Variants in FCHO1 observed in about 807,000 individuals in gnomAD.
FCHO1 encodes the protein FCH and mu domain containing endocytic adaptor 1.
Under a neutral mutation model 114.4 loss-of-function variants are expected in FCHO1, and 45 were observed. That is an observed-to-expected ratio of 0.39 (90% CI 0.31 to 0.50). The LOEUF (loss-of-function observed/expected upper bound fraction) is 0.50, where lower values mean the gene tolerates loss of function less well. Among genes scored for constraint, FCHO1 ranks in the 20% least tolerant of loss-of-function variants. The pLI is 0.77. For synonymous variants in FCHO1, 480 were observed against 488.9 expected (o/e 0.98, Z 0.24); for missense variants, 1,042 against 1,209.6 (o/e 0.86, Z 2.06).
chr19:17,776,670 G>T lies in FCHO1; in HGVS notation c.1243G>T (p.Ala415Ser). The part of the protein sequence containing the change: ...AAGKPQRPRS[A>S]PRTSSCAERL... ...TGGGAAACCCCAGAGACCTCGGTCTGCCCCCAGAACCAGCAGGTGGGTTCC... is the reference window on the plus strand; with the variant it reads ...TGGGAAACCCCAGAGACCTCGGTCTTCCCCCAGAACCAGCAGGTGGGTTCC... The change falls in exon 18 of 29, where the codon GCC (alanine) becomes TCC (serine). Residue 415 changes from alanine to serine, a missense_variant. Physicochemically the swap from Ala to Ser is moderately conservative, Grantham distance 99 (BLOSUM62 1). Around this residue, in one of 3 missense-constraint regions of FCHO1, gnomAD observed 455 missense variants for 455.4 expected, o/e 1.00. Coordinates refer to ENST00000596536, the MANE Select transcript of FCHO1 (RefSeq NM_015122.3). This position sits in a 1 kb window ranked among gnomAD's most constrained non-coding sequence, Gnocchi z 4.4. 6.2e-7 allele frequency: 1 copy of T among 1,613,728 alleles called. No individual in the cohort carries two copies. Among genetic ancestry groups the T allele is most frequent in the Non-Finnish European group, 8.5e-7 (1 of 1,179,924 alleles).
At chr19:17,765,008 G>A (rs549726284) in intron 6 of FCHO1, among the ~76,000 whole-genome samples, 1 of 149,636 alleles carries the variant, frequency 6.7e-6, no homozygotes, top group South Asian at 2.1e-4. Context: ...AGGTTGCAGT[G>A]AGCCGAGATT....
intron 24 of FCHO1, among the ~76,000 whole-genome samples, chr19:17,783,590 A>C (rs1157960563): frequency 8.3e-6 from 1 of 120,624 alleles, no homozygotes; most frequent in African/African-American, 3.2e-5. Context: ...TTTAATTATT[A>C]TTTTTTTGAG....
At position 17,769,752 on chromosome 19, in the gene FCHO1, T is replaced by C. The variant is rs80229915; in HGVS notation, c.337-673T>C. Among the ~76,000 whole-genome samples the C allele has an allele frequency of 1.1e-3, 170 of 152,374 alleles. 2 individuals are homozygous for C. Among genetic ancestry groups the C allele is most frequent in the East Asian group, 2.9e-3 (15 of 5,192 alleles). On this transcript the variant is annotated intron_variant, in intron 7 of 28. Transcript: ENST00000596536. Reference sequence around the variant, plus strand: ...AAGTATCACAGTAATAATTGGGGACTTCTAGGCTGGAGGGCCCATATATGG... The same window carrying C: ...AAGTATCACAGTAATAATTGGGGACCTCTAGGCTGGAGGGCCCATATATGG...
intron 4 of FCHO1, among the ~76,000 whole-genome samples, chr19:17,759,466 GC>G (rs1279262947): frequency 4.0e-5 from 6 of 150,182 alleles, no homozygotes; most frequent in African/African-American, 1.5e-4. Flanking sequence ...CGAGTGATTT[GC>G]CCGCCTCAGC....
intron 4 of FCHO1, among the ~76,000 whole-genome samples, chr19:17,757,147 G>A (rs1339904549): frequency 6.8e-6 from 1 of 146,866 alleles, no homozygotes; most frequent in African/African-American, 2.6e-5. Context: ...TCGCGCCACT[G>A]CACTCCAGCC....
At chr19:17,785,690 C>G (rs1454337709) in intron 26 of FCHO1, among the ~76,000 whole-genome samples, 2 of 151,678 alleles carry the variant, frequency 1.3e-5, no homozygotes, top group African/African-American at 4.8e-5. Flanking sequence ...AAAAAAAATC[C>G]GGGCATGGTG....
At chr19:17,782,351 C>T (rs866888879) in intron 23 of FCHO1, among the ~76,000 whole-genome samples, 8 of 152,120 alleles carry the variant, frequency 5.3e-5, no homozygotes, top group Middle Eastern at 3.4e-3. Context: ...ATTACAGGCA[C>T]ATGCCACCAC....
rs539383175 is a variant in FCHO1 at position 17,775,687 on chromosome 19, G to C, written c.1003+174G>C. 6.6e-6 allele frequency among the ~76,000 whole-genome samples: 1 copy of C among 152,238 alleles called. No individual in the cohort carries two copies. Among genetic ancestry groups the C allele is most frequent in the African/African-American group, 2.4e-5 (1 of 41,548 alleles). ...ACTCTATGGGGTCAGCACTGGGCAA[G>C]AGGGAGAGAGAAAAGGAGATCTAGC... On this transcript the variant is annotated intron_variant, in intron 15 of 28. Coordinates refer to ENST00000596536, the MANE Select transcript of FCHO1 (RefSeq NM_015122.3). The surrounding 1 kb of genome is among the most constrained non-coding windows in gnomAD (Gnocchi z 5.1).
intron 11 of FCHO1, 77 bp downstream of exon 11, chr19:17,772,818 A>T (rs1341966056): frequency 5.8e-6 from 6 of 1,038,040 alleles, no homozygotes; most frequent in Non-Finnish European, 8.7e-6. Flanking sequence ...TGCCCAGCTA[A>T]TTTTTTTTTT....
rs1264506119 is a variant in FCHO1, at chr19:17,775,794, T to A, written c.1004-189T>A. Among the ~76,000 whole-genome samples the A allele has an allele frequency of 6.9e-6, 1 of 145,282 alleles. No homozygotes were observed. The highest frequency in any genetic ancestry group is 1.5e-5 in the Non-Finnish European group (1 of 66,610). Reference sequence around the variant, plus strand: ...TGCCAGTTAGTTCTGGGCATGCTTGTGCAAAGGCTTCTCGGGGGGGGTGGG... The same window carrying A: ...TGCCAGTTAGTTCTGGGCATGCTTGAGCAAAGGCTTCTCGGGGGGGGTGGG... On this transcript the variant is annotated intron_variant, in intron 15 of 28. Coordinates refer to ENST00000596536, the MANE Select transcript of FCHO1 (RefSeq NM_015122.3). The surrounding 1 kb of genome is among the most constrained non-coding windows in gnomAD (Gnocchi z 5.1).
chr19:17,759,380 G>A (rs939342404), intron 4 of FCHO1, among the ~76,000 whole-genome samples: 81 of 151,148 alleles, frequency 5.4e-4, no homozygotes, highest in African/African-American at 1.9e-3. Context: ...CCACTGCCAC[G>A]TCTGGCTAAT....
chr19:17,776,253 A>T lies in FCHO1; in HGVS notation c.1189A>T (p.Met397Leu), dbSNP rs955009610. The T allele has an allele frequency of 2.5e-6, 4 of 1,614,050 alleles. No individual in the cohort carries two copies. The African/African-American group carries it at 5.3e-5, about 22-fold the overall frequency. The change falls in exon 17 of 29, where the codon ATG (methionine) becomes TTG (leucine). Residue 397 changes from methionine to leucine, a missense_variant. Coordinates refer to ENST00000596536, the MANE Select transcript of FCHO1 (RefSeq NM_015122.3). This position sits in a 1 kb window ranked among gnomAD's most constrained non-coding sequence, Gnocchi z 4.4. The stretch of plus-strand genomic sequence containing the variant: ...TTGCCCACTTTGTCCACAGGGCACC[A>T]TGAAACGCCATTCTTCACGTGAGTA... ...LILPPGPGGT[M>L]KRHSSRDAAG...
chr19:17,779,678 A>C (rs2093149372), intron 20 of FCHO1, among the ~76,000 whole-genome samples: 2 of 87,914 alleles, frequency 2.3e-5, no homozygotes, highest in African/African-American at 4.5e-5. Context: ...AGGATGGGGA[A>C]GGGACAGTCA....
In FCHO1 at chr19:17,775,766, G is replaced by T. The variant is rs1419144848; in HGVS notation, c.1004-217G>T. On this transcript the variant is annotated intron_variant, in intron 15 of 28. Coordinates refer to ENST00000596536, the MANE Select transcript of FCHO1 (RefSeq NM_015122.3). This position sits in a 1 kb window ranked among gnomAD's most constrained non-coding sequence, Gnocchi z 5.1. ...GTTGGGGTTTTGCAGCCGAATAGGA[G>T]TTTGCCAGTTAGTTCTGGGCATGCT... 6.6e-6 allele frequency among the ~76,000 whole-genome samples: 1 copy of T among 151,632 alleles called. No individual in the cohort carries two copies. The highest frequency in any genetic ancestry group is 2.4e-5 in the African/African-American group (1 of 41,198).
chr19:17,778,935 A>G, intron 20 of FCHO1, 51 bp downstream of exon 20: 1 of 1,470,788 alleles, frequency 6.8e-7, no homozygotes. Flanking sequence ...TGGGCGGGGG[A>G]TTGAGCGCCT....
chr19:17,781,349 T>C lies in FCHO1; in HGVS notation c.1740+6T>C. The C allele has an allele frequency of 6.2e-7, 1 of 1,612,478 alleles. No individual in the cohort carries two copies. Among genetic ancestry groups the C allele is most frequent in the Non-Finnish European group, 8.5e-7 (1 of 1,178,656 alleles). ...CACGTAGCAATGGGGACCTGGTAGG[T>C]GAGGGGGCGTGGCAGGAGCTGGACT... On this transcript the variant is annotated splice_donor_region_variant and intron_variant, in intron 21 of 28. Coordinates refer to ENST00000596536, the MANE Select transcript of FCHO1 (RefSeq NM_015122.3).
chr19:17,749,489 G>T (rs913259926), upstream of FCHO1, among the ~76,000 whole-genome samples: 2 of 152,100 alleles, frequency 1.3e-5, no homozygotes, highest in African/African-American at 4.8e-5. Flanking sequence ...TCTATCAAAG[G>T]CATTGCCTGA....
intron 7 of FCHO1, among the ~76,000 whole-genome samples, chr19:17,770,045 A>G (rs1279355151): frequency 1.3e-5 from 2 of 152,082 alleles, no homozygotes; most frequent in Non-Finnish European, 2.9e-5. Flanking sequence ...CACACCTGTA[A>G]TGCCAGCACT....
At chr19:17,762,725 T>A in intron 4 of FCHO1, 37 bp from the exon 5 acceptor site, 1 of 1,470,060 alleles carries the variant, frequency 6.8e-7, no homozygotes, top group Non-Finnish European at 9.5e-7. Flanking sequence ...TGATGTTCTC[T>A]CCATCCTTTC....
Sources: gnomAD v4.1 joint callset for allele counts (sites outside exome capture counted in the v4.1 genomes callset) on GRCh38, gnomAD v4.1.1 for gene constraint, gnomAD v4.1.1 regional missense constraint, Gnocchi (gnomAD v3.1) non-coding constraint, MANE v1.5 for transcripts, NCBI Gene and HGNC (gene_info 2026-07-23, HGNC 2026-07-21) for gene names.